NUP88: variants seen among roughly 807,000 people sequenced by gnomAD.
NUP88 encodes nuclear pore complex protein Nup88.
Under a neutral mutation model 93.9 loss-of-function variants are expected in NUP88, and 57 were observed. The ratio of observed to expected loss-of-function variants is 0.61; its 90% CI spans 0.49 to 0.76. The LOEUF is 0.76. NUP88 is among the 30% of genes least tolerant of loss of function. The probability of loss-of-function intolerance (pLI) is 0.00; values close to 1 mark genes in which losing one functional copy is unlikely to be tolerated. For missense variants in NUP88, 911 were observed against 901.0 expected, an observed-to-expected ratio of 1.01 and a Z score of -0.14; for synonymous variants, 346 against 336.8, an observed-to-expected ratio of 1.03 and a Z score of -0.30.
rs747569470 is a variant in NUP88 at position 5,419,488 on chromosome 17, A to G, written c.163T>C (p.Leu55=). The G allele has an allele frequency of 6.2e-7, 1 of 1,614,056 alleles. No individual in the cohort carries two copies. Among genetic ancestry groups the G allele is most frequent in the Admixed American group, 1.7e-5 (1 of 60,020 alleles). ...CCAAAGACCACGTTTCTCGTCAGCA[A>G]CTGCGGCGGCGGCGACGAAGGCAAC... The part of the protein sequence containing the change: ...SSLPSSPPPQ[L]LTRNVVFGLG... The change falls in exon 1 of 17, where the codon TTG becomes CTG. Residue 55 remains leucine, a synonymous_variant. Transcript: ENST00000573584.
intron 10 of NUP88, among the ~76,000 whole-genome samples, chr17:5,390,310 A>G (rs1265283476): frequency 6.6e-6 from 1 of 152,224 alleles, no homozygotes; most frequent in Non-Finnish European, 1.5e-5. Flanking sequence ...GGTAACTTAC[A>G]GGTAATTTTT....
intron 10 of NUP88, among the ~76,000 whole-genome samples, chr17:5,389,769 CTG>C (rs1912290424): frequency 9.7e-6 from 1 of 103,230 alleles, no homozygotes; most frequent in Non-Finnish European, 1.8e-5. Flanking sequence ...GAGCAAGACT[CTG>C]TCTCAAAAAA....
chr17:5,400,790 G>A (rs558704043), intron 7 of NUP88, among the ~76,000 whole-genome samples: 40 of 152,318 alleles, frequency 2.6e-4, no homozygotes, highest in Non-Finnish European at 5.0e-4. Flanking sequence ...TATCAGTGTA[G>A]TAAGGTGTGA....
At chr17:5,405,900 T>C (rs1461270628) in intron 5 of NUP88, among the ~76,000 whole-genome samples, 1 of 152,258 alleles carries the variant, frequency 6.6e-6, no homozygotes, top group Admixed American at 6.5e-5. Flanking sequence ...CTTTGACTTT[T>C]TTCAAAATAC....
chr17:5,400,601 G>C (rs1391259574), intron 7 of NUP88, among the ~76,000 whole-genome samples: 1 of 151,598 alleles, frequency 6.6e-6, no homozygotes, highest in South Asian at 2.1e-4. Flanking sequence ...ACTCATTTAT[G>C]CTTTTCTCTG....
In NUP88 at chr17:5,387,410, T is replaced by C; in HGVS notation, c.1892A>G (p.Glu631Gly). The change falls in exon 14 of 17, where the codon GAA (glutamate) becomes GGA (glycine). Residue 631 changes from glutamate to glycine, a missense_variant. Physicochemically the swap from Glu to Gly is moderately conservative, Grantham distance 98. Coordinates refer to ENST00000573584, the MANE Select transcript of NUP88 (RefSeq NM_002532.6). ...CCTGTTCATGATATCCTCTTGTTTT[T>C]CTTTAGCTTCCTCATATTTGTCAGC... ...RLADKYEEAK[E>G]KQEDIMNRMK... 1 of 1,614,184 alleles carries C rather than the reference T, an allele frequency of 6.2e-7. No individual in the cohort carries two copies. Among genetic ancestry groups the C allele is most frequent in the Non-Finnish European group, 8.5e-7 (1 of 1,179,992 alleles).
In NUP88 at chr17:5,413,136, C is replaced by G. The variant is rs568759663; in HGVS notation, c.593+873G>C. On this transcript the variant is annotated intron_variant, in intron 3 of 16. Coordinates refer to ENST00000573584, the MANE Select transcript of NUP88 (RefSeq NM_002532.6). ...GGGACTACCGGCACATGCCATTATGCCCAGCTAATTTTTTTTGCAGAGACA... is the reference window on the plus strand; with the variant it reads ...GGGACTACCGGCACATGCCATTATGGCCAGCTAATTTTTTTTGCAGAGACA... Among the ~76,000 whole-genome samples, 12 of 152,102 alleles carry G rather than the reference C, an allele frequency of 7.9e-5. No homozygotes were observed. In the South Asian group the frequency reaches 2.5e-3, roughly 32 times the overall value.
chr17:5,401,900 A>G (rs1913191498), intron 7 of NUP88, among the ~76,000 whole-genome samples: 2 of 152,242 alleles, frequency 1.3e-5, no homozygotes. Context: ...TACTGTAGCC[A>G]TTTCACTTTG....
At chr17:5,386,328 T>C (rs1911973824) in intron 16 of NUP88, 59 bp from the exon 17 acceptor site, 1 of 1,296,388 alleles carries the variant, frequency 7.7e-7, no homozygotes, top group African/African-American at 1.5e-5. Context: ...ATATGGATTC[T>C]TAAGAATTTA....
intron 6 of NUP88, 28 bp from the exon 7 acceptor site, chr17:5,404,274 T>C: frequency 1.2e-6 from 2 of 1,609,282 alleles, no homozygotes; most frequent in Admixed American, 1.7e-5. Flanking sequence ...GTAATTTTGA[T>C]CTTGCATGTT....
chr17:5,409,081 T>TAA (rs892940117), intron 4 of NUP88, among the ~76,000 whole-genome samples, 172 bp from the exon 5 acceptor site: 5 of 152,188 alleles, frequency 3.3e-5, no homozygotes, highest in African/African-American at 1.2e-4. Context: ...TGTTAACATT[T>TAA]AAAAATTCTC....
chr17:5,398,753 T>C (rs1912948077), intron 8 of NUP88, among the ~76,000 whole-genome samples: 1 of 151,576 alleles, frequency 6.6e-6, no homozygotes, highest in African/African-American at 2.4e-5. Flanking sequence ...CACACCCAGC[T>C]AATTTTTGTA....
chr17:5,403,071 G>A (rs1011862259), intron 7 of NUP88, among the ~76,000 whole-genome samples: 6 of 152,278 alleles, frequency 3.9e-5, no homozygotes, highest in East Asian at 1.9e-4. Context: ...CCAGGTGCGC[G>A]GTGGCTCACA....
intron 7 of NUP88, 52 bp downstream of exon 7, chr17:5,404,047 T>A: frequency 6.5e-7 from 1 of 1,547,244 alleles, no homozygotes; most frequent in East Asian, 2.2e-5. Flanking sequence ...TCTATGATAG[T>A]CTTAGTATAA....
intron 3 of NUP88, among the ~76,000 whole-genome samples, 186 bp downstream of exon 3, chr17:5,413,823 A>G (rs563011247): frequency 6.6e-5 from 10 of 152,216 alleles, no homozygotes; most frequent in African/African-American, 1.9e-4. Context: ...AGACTAGTTG[A>G]GAAGGAATAG....
At chr17:5,416,810 C>T in intron 1 of NUP88, 128 bp from the exon 2 acceptor site, 1 of 687,694 alleles carries the variant, frequency 1.5e-6, no homozygotes, top group Non-Finnish European at 2.3e-6. Flanking sequence ...TAAGTACTCA[C>T]ACTTGTACCA....
In NUP88 at chr17:5,416,180, T is replaced by TATATATAC. The variant is rs1374990658; in HGVS notation, c.467+332_467+333insGTATATAT. The stretch of plus-strand genomic sequence containing the variant: ...AAAAAAAAAAAAGTATATATATATA[T>TATATATAC]ACACACATACACACACACACACACA... On this transcript the variant is annotated intron_variant, in intron 2 of 16. Coordinates refer to ENST00000573584, the MANE Select transcript of NUP88 (RefSeq NM_002532.6). 7.0e-3 allele frequency among the ~76,000 whole-genome samples: 753 copies of TATATATAC among 107,258 alleles called. 16 individuals carry two copies. The highest frequency in any genetic ancestry group is 0.019 in the African/African-American group (535 of 27,804). 70.4% of individuals were successfully genotyped at this position (107,258 alleles called of 152,430 possible). A position where few individuals can be genotyped will look rare whatever the true frequency, so the allele number is the denominator to read the frequency against.
At chr17:5,404,770 C>G (rs1048293814) in intron 6 of NUP88, among the ~76,000 whole-genome samples, 1 of 152,086 alleles carries the variant, frequency 6.6e-6, no homozygotes, top group Admixed American at 6.6e-5. Context: ...GTGAAAAAAG[C>G]CAATTCAGTG....
Position 5,390,028 on chromosome 17 carries a change from T to C in NUP88, c.1485-1068A>G, listed in dbSNP as rs568718154. Among the ~76,000 whole-genome samples the C allele has an allele frequency of 7.9e-4, 119 of 150,104 alleles. 1 individual carries two copies. Among genetic ancestry groups the C allele is most frequent in the Non-Finnish European group, 1.2e-3 (79 of 67,464 alleles). ...TAAAAATATAAAAATTAGCTGGGCA[T>C]GTGGTGTGCGCCTGTAATCCCAGCT... is the stretch of plus-strand genomic sequence containing the variant. On this transcript the variant is annotated intron_variant, in intron 10 of 16. Transcript: ENST00000573584.
Sources: allele counts gnomAD v4.1 joint callset (sites outside exome capture counted in the v4.1 genomes callset), GRCh38; gene constraint gnomAD v4.1.1; transcripts MANE v1.5; gene names NCBI Gene and HGNC (gene_info 2026-07-23, HGNC 2026-07-21).